SERPINE3: variants seen among roughly 807,000 people sequenced by gnomAD.
The protein encoded by SERPINE3 is serpin family E member 3, also known as serpin E3.
In SERPINE3, 43 loss-of-function variants were observed where a neutral mutation model predicts 41.7. The ratio of observed to expected loss-of-function variants is 1.03; its 90% CI spans 0.81 to 1.33. The LOEUF is 1.33. Ranked by LOEUF, SERPINE3 falls within the 40% of genes most tolerant of loss-of-function variation. The pLI is 0.00. For synonymous variants in SERPINE3, 200 were observed against 192.2 expected, an observed-to-expected ratio of 1.04 and a Z score of -0.34; for missense variants, 440 against 491.7, an observed-to-expected ratio of 0.89 and a Z score of 0.99.
intron 6 of SERPINE3, among the ~76,000 whole-genome samples, chr13:51,349,414 C>G (rs1453268873): frequency 6.6e-6 from 1 of 152,144 alleles, no homozygotes; most frequent in Non-Finnish European, 1.5e-5. Flanking sequence ...ATTTGGACCC[C>G]AAACCAAAAC....
chr13:51,353,587 A>G (rs1395139956), intron 6 of SERPINE3, among the ~76,000 whole-genome samples: 1 of 152,198 alleles, frequency 6.6e-6, no homozygotes, highest in African/African-American at 2.4e-5. Context: ...AGAGTTTTCA[A>G]AAAGGATGTG....
chr13:51,350,937 A>C (rs75229700), intron 6 of SERPINE3, among the ~76,000 whole-genome samples: 11,348 of 152,254 alleles, frequency 0.075, 547 homozygotes, highest in South Asian at 0.14. Flanking sequence ...GCTTCTTTGC[A>C]TAATATTTTC....
chr13:51,363,726 C>A (rs1049461089), intron 9 of SERPINE3: 3 of 151,370 alleles, frequency 2.0e-5, no homozygotes, highest in African/African-American at 7.3e-5. Context: ...AGATATTAAC[C>A]TTTAGTTCTG....
chr13:51,364,430 G>A lies in SERPINE3; in HGVS notation c.*148G>A, dbSNP rs77809332. 0.037 allele frequency: 18,010 copies of A among 482,332 alleles called. 492 individuals carry two copies. The highest frequency in any genetic ancestry group is 0.087 in the East Asian group (2,622 of 30,172). 29.9% of individuals were successfully genotyped at this position (482,332 alleles called of 1,614,324 possible). ...ATATTATAAACCTAAAAATACTTCA[G>A]TTTTTAAATGTTATAAGTTTATTTT... is the stretch of plus-strand genomic sequence containing the variant. On this transcript the variant is annotated 3_prime_UTR_variant, in exon 10 of 10. Transcript: ENST00000681248.
rs77049916 is a variant in SERPINE3 at position 51,340,778 on chromosome 13, G to T, written c.-95-6G>T. On this transcript the variant is annotated splice_polypyrimidine_tract_variant and splice_region_variant and intron_variant, in intron 1 of 9. Transcript: ENST00000681248. ...CAACATAATGCTTTGCTTCTGATCTGACCAGGGCTTTGCTAAAGTCACACA... is the reference window on the plus strand; with the variant it reads ...CAACATAATGCTTTGCTTCTGATCTTACCAGGGCTTTGCTAAAGTCACACA... 1,713 of 462,394 alleles carry T rather than the reference G, an allele frequency of 3.7e-3. 24 individuals carry two copies. Among genetic ancestry groups the T allele is most frequent in the African/African-American group, 0.029 (1,503 of 51,246 alleles). The allele number at this position is 462,394 out of a possible 1,614,324, so 28.6% of individuals were successfully genotyped here. A position where few individuals can be genotyped will look rare whatever the true frequency, so the allele number is the denominator to read the frequency against.
chr13:51,344,554 C>T (rs1955327803), intron 4 of SERPINE3, 69 bp downstream of exon 4: 3 of 1,283,014 alleles, frequency 2.3e-6, no homozygotes, highest in African/African-American at 3.0e-5. Flanking sequence ...TCACCCATCA[C>T]TTGTCAGAGG....
intron 3 of SERPINE3, 128 bp from the exon 4 acceptor site, chr13:51,344,124 G>A (rs1593636496): frequency 1.4e-6 from 1 of 692,104 alleles, no homozygotes. Context: ...GGCTTTGTAT[G>A]GTAGATGAAC....
chr13:51,364,363 AT>A lies in SERPINE3; in HGVS notation c.*82del. ...TGCTATACCCTTGAAATTTAAAAAA[AT>A]GTCTGATAAAGTGTAAAAAGCTAAG... On this transcript the variant is annotated 3_prime_UTR_variant, in exon 10 of 10. Transcript: ENST00000681248. The A allele has an allele frequency of 1.3e-6, 1 of 760,036 alleles. No individual in the cohort carries two copies. Among genetic ancestry groups the A allele is most frequent in the South Asian group, 2.0e-5 (1 of 49,474 alleles). The allele number at this position is 760,036 out of a possible 1,614,324, so 47.1% of individuals were successfully genotyped here.
At chr13:51,348,082 C>T (rs1303369838) in intron 5 of SERPINE3, 131 bp from the exon 6 acceptor site, 3 of 673,298 alleles carry the variant, frequency 4.5e-6, no homozygotes, top group East Asian at 2.8e-5. Flanking sequence ...CTGAAACCGC[C>T]TCCTGAGGGT....
At position 51,348,411 on chromosome 13, in the gene SERPINE3, G is replaced by A. The variant is rs1366830258; in HGVS notation, c.899G>A (p.Arg300Lys). 1 of 1,612,760 alleles carries A rather than the reference G, an allele frequency of 6.2e-7. No homozygotes were observed. Among genetic ancestry groups the A allele is most frequent in the East Asian group, 2.2e-5 (1 of 44,876 alleles). The part of the protein sequence containing the change: ...RRARMDVFLP[R>K]FRIQNQFNLK... ...GCCAGGATGGATGTGTTCCTGCCCAGGTGAGCAGCTGAGTCCCCCTCACAG... is the reference window on the plus strand; with the variant it reads ...GCCAGGATGGATGTGTTCCTGCCCAAGTGAGCAGCTGAGTCCCCCTCACAG... Residue 300 changes from arginine (R) to lysine (K), a missense_variant and splice_region_variant, in exon 6 of 10, where the codon AGG becomes AAG. Physicochemically the swap from Arg to Lys is conservative, Grantham distance 26 (BLOSUM62 2). Transcript: ENST00000681248.
chr13:51,346,134 A>T (rs1178472133), intron 4 of SERPINE3, among the ~76,000 whole-genome samples: 1 of 152,228 alleles, frequency 6.6e-6, no homozygotes, highest in Non-Finnish European at 1.5e-5. Flanking sequence ...AACAGAGCCT[A>T]TCACAAAGTG....
chr13:51,361,347 A>C lies in SERPINE3; in HGVS notation c.1070A>C (p.Lys357Thr), dbSNP rs1196246920. ...AKIEVLEEGTKASGATALLLL... is the reference protein window; with the variant it reads ...AKIEVLEEGTTASGATALLLL... ...ATTGAAGTTTTGGAGGAAGGCACCAAGGCATCTGGAGCCACAGGTATGTTC... is the reference window on the plus strand; with the variant it reads ...ATTGAAGTTTTGGAGGAAGGCACCACGGCATCTGGAGCCACAGGTATGTTC... Residue 357 changes from lysine to threonine, a missense_variant, in exon 8 of 10, where the codon AAG (lysine) becomes ACG (threonine). Transcript: ENST00000681248. The C allele has an allele frequency of 6.2e-7, 1 of 1,607,070 alleles. No individual in the cohort carries two copies. Among genetic ancestry groups the C allele is most frequent in the African/African-American group, 1.3e-5 (1 of 74,818 alleles).
intron 6 of SERPINE3, 136 bp from the exon 7 acceptor site, chr13:51,354,907 A>T (rs1412052095): frequency 3.2e-6 from 2 of 621,634 alleles, no homozygotes; most frequent in East Asian, 5.5e-5. Flanking sequence ...GGAAGGCGCC[A>T]TGGAAGATGA....
At chr13:51,357,526 A>C (rs752806256) in intron 7 of SERPINE3, among the ~76,000 whole-genome samples, 3 of 152,132 alleles carry the variant, frequency 2.0e-5, no homozygotes, top group Non-Finnish European at 2.9e-5. Flanking sequence ...TCGGTCCCAA[A>C]GCCCAGAATC....
intron 9 of SERPINE3, 56 bp downstream of exon 9, chr13:51,361,949 C>T (rs982625119): frequency 1.2e-6 from 2 of 1,611,832 alleles, no homozygotes; most frequent in Non-Finnish European, 1.7e-6. Flanking sequence ...TCTCTAGCAA[C>T]AAGGGCTCAT....
At chr13:51,362,491 T>C (rs140059943) in intron 9 of SERPINE3, 1 of 152,676 alleles carries the variant, frequency 6.5e-6, no homozygotes, top group African/African-American at 2.4e-5. Context: ...TTCGACAATA[T>C]TGAACAAAGT....
chr13:51,361,197 T>G (rs1955569132), intron 7 of SERPINE3, 81 bp from the exon 8 acceptor site: 1 of 908,314 alleles, frequency 1.1e-6, no homozygotes, highest in Non-Finnish European at 1.8e-6. Flanking sequence ...ATTTTGTAAG[T>G]ACATTTTTAA....
intron 6 of SERPINE3, 34 bp from the exon 7 acceptor site, chr13:51,355,009 T>C (rs1955458068): frequency 9.0e-7 from 1 of 1,107,536 alleles, no homozygotes; most frequent in African/African-American, 1.6e-5. Context: ...TGAGTGAGAA[T>C]TTTGAAAGTT....
chr13:51,361,770 G>A, intron 8 of SERPINE3, 40 bp from the exon 9 acceptor site: 1 of 1,527,480 alleles, frequency 6.5e-7, no homozygotes, highest in Non-Finnish European at 8.8e-7. Context: ...TCTTAAAAAT[G>A]CACAGAAAAT....
Sources: allele counts gnomAD v4.1 joint callset (sites outside exome capture counted in the v4.1 genomes callset), GRCh38; gene constraint gnomAD v4.1.1; transcripts MANE v1.5; gene names NCBI Gene and HGNC (gene_info 2026-07-23, HGNC 2026-07-21).